UBE2V1: variants seen among roughly 807,000 people sequenced by gnomAD.
UBE2V1 encodes the protein ubiquitin conjugating enzyme E2 V1, also known as ubiquitin-conjugating enzyme E2 variant 1.
In UBE2V1, 15 loss-of-function variants were observed where a neutral mutation model predicts 19.6. That is an observed-to-expected ratio of 0.77 (90% CI 0.51 to 1.18). UBE2V1 has a LOEUF of 1.18. Among genes scored for constraint, UBE2V1 ranks in the 50% most tolerant of loss-of-function variants. The probability of loss-of-function intolerance (pLI) is 0.00; values close to 1 mark genes in which losing one functional copy is unlikely to be tolerated. For synonymous variants in UBE2V1, 60 were observed against 60.7 expected, an observed-to-expected ratio of 0.99 and a Z score of 0.05; for missense variants, 125 against 184.8, an observed-to-expected ratio of 0.68 and a Z score of 1.88.
chr20:50,102,387 A>C (rs1453348219), intron 1 of UBE2V1, among the ~76,000 whole-genome samples: 2 of 152,210 alleles, frequency 1.3e-5, no homozygotes, highest in Non-Finnish European at 1.5e-5. Context: ...AAACAAACAC[A>C]AAAGCAACCT....
Position 50,107,850 on chromosome 20 carries a change from G to A in UBE2V1, c.22+5257C>T, listed in dbSNP as rs77280740. On this transcript the variant is annotated intron_variant, in intron 1 of 3. Transcript: ENST00000371674. The stretch of plus-strand genomic sequence containing the variant: ...AATATGCAACGAAACAACACTTCAG[G>A]TAAGGTTAAGTGCTTTAGAGAAACA... 1.9e-4 allele frequency among the ~76,000 whole-genome samples: 29 copies of A among 152,298 alleles called. No individual in the cohort carries two copies. The East Asian group carries it at 5.6e-3, about 29-fold the overall frequency.
At chr20:50,083,995 C>T (rs1277940955) in intron 3 of UBE2V1, 134 bp downstream of exon 3, 7 of 1,390,720 alleles carry the variant, frequency 5.0e-6, no homozygotes, top group Admixed American at 2.5e-5. Flanking sequence ...ATCTGTGCTC[C>T]TATGCACAGT....
At chr20:50,101,765 A>G (rs1386944380) in intron 1 of UBE2V1, among the ~76,000 whole-genome samples, 3 of 152,146 alleles carry the variant, frequency 2.0e-5, no homozygotes, top group Non-Finnish European at 4.4e-5. Context: ...TCTAGGGGCT[A>G]TGAACAAAAT....
chr20:50,106,868 CAACAACAAA>C (rs1308391314), intron 1 of UBE2V1, among the ~76,000 whole-genome samples: 2 of 84,806 alleles, frequency 2.4e-5, no homozygotes. Context: ...ACAACAACAA[CAACAACAAA>C]AAAAAAAAAA....
intron 2 of UBE2V1, chr20:50,095,204 G>A (rs977326829): frequency 6.6e-6 from 1 of 152,162 alleles, no homozygotes; most frequent in Non-Finnish European, 1.5e-5. Context: ...TGGGAAGTAA[G>A]GAGGGAAGCA....
At position 50,094,221 on chromosome 20, in the gene UBE2V1, T is replaced by C. The variant is rs1225004127; in HGVS notation, c.171+2451A>G. Among the ~76,000 whole-genome samples, 8 of 139,644 alleles carry C rather than the reference T, an allele frequency of 5.7e-5. 1 individual carries two copies. The Admixed American group carries it at 6.0e-4, about 10-fold the overall frequency. 91.6% of individuals were successfully genotyped at this position (139,644 alleles called of 152,430 possible). The stretch of plus-strand genomic sequence containing the variant: ...TACAGTATATATAATATATAACATA[T>C]GCATTATATAATATATAATGCATTA... On this transcript the variant is annotated intron_variant, in intron 2 of 3. Coordinates refer to ENST00000371674, the MANE Select transcript of UBE2V1 (RefSeq NM_001032288.3).
intron 2 of UBE2V1, among the ~76,000 whole-genome samples, chr20:50,086,411 T>C (rs1018414607): frequency 1.2e-4 from 18 of 152,206 alleles, no homozygotes; most frequent in Admixed American, 6.5e-4. Flanking sequence ...CTTCACACTT[T>C]TATATTATAA....
At chr20:50,091,853 T>G (rs2079251446) in intron 2 of UBE2V1, among the ~76,000 whole-genome samples, 1 of 152,188 alleles carries the variant, frequency 6.6e-6, no homozygotes. Context: ...ACAGCAAAAG[T>G]GGGTAGAACC....
chr20:50,104,274 C>G (rs1409781905), intron 1 of UBE2V1: 3 of 949,724 alleles, frequency 3.2e-6, no homozygotes, highest in Non-Finnish European at 3.7e-6. Flanking sequence ...GGGCCAGACT[C>G]CGTCTCAAAA....
upstream of UBE2V1, chr20:50,115,180 G>A: frequency 3.6e-6 from 1 of 276,446 alleles, no homozygotes; most frequent in Non-Finnish European, 6.6e-6. Flanking sequence ...CCCTTTGCAA[G>A]CCCCCTGGAA....
chr20:50,099,635 A>G, intron 1 of UBE2V1, among the ~76,000 whole-genome samples: 1 of 152,202 alleles, frequency 6.6e-6, no homozygotes, highest in African/African-American at 2.4e-5. Flanking sequence ...CCTGCTGTCC[A>G]GAAGGCTCCT....
chr20:50,094,459 C>A (rs1366491874), intron 2 of UBE2V1, among the ~76,000 whole-genome samples: 2 of 150,856 alleles, frequency 1.3e-5, no homozygotes, highest in African/African-American at 4.9e-5. Flanking sequence ...TTATAATAGC[C>A]AAAAGGTAGA....
At chr20:50,098,493 A>G (rs1025511859) in intron 1 of UBE2V1, among the ~76,000 whole-genome samples, 1 of 152,220 alleles carries the variant, frequency 6.6e-6, no homozygotes, top group Admixed American at 6.5e-5. Flanking sequence ...CCAGGGTGAT[A>G]GCAGGAAAGT....
chr20:50,091,112 T>C (rs1426935168), intron 2 of UBE2V1, among the ~76,000 whole-genome samples: 1 of 152,144 alleles, frequency 6.6e-6, no homozygotes, highest in Non-Finnish European at 1.5e-5. Context: ...AGTGGTATGA[T>C]CTTGGCCCAC....
At chr20:50,108,261 C>T (rs2080521396) in intron 1 of UBE2V1, among the ~76,000 whole-genome samples, 1 of 152,124 alleles carries the variant, frequency 6.6e-6, no homozygotes, top group Admixed American at 6.5e-5. Context: ...AGAGTGGAGA[C>T]AGAAAGGAGG....
rs1361996536 is a variant in UBE2V1, at chr20:50,113,115, G to A, written c.14C>T (p.Thr5Met). 6 of 1,349,492 alleles carry A rather than the reference G, an allele frequency of 4.4e-6. No individual in the cohort carries two copies. The highest frequency in any genetic ancestry group is 1.9e-5 in the South Asian group (1 of 53,648). The allele number at this position is 1,349,492 out of a possible 1,614,324, so 83.6% of individuals were successfully genotyped here. ...CCGGCGCCCCCGCTCACCCGAGCCC[G>A]TGGTGGCTGCCATCTTGCGTCGCTC... MAAT[T>M]GSGVKVPRNF... The change falls in exon 1 of 4, where the codon ACG becomes ATG. Residue 5 changes from threonine (T) to methionine (M), a missense_variant. Around this residue, in one of 3 missense-constraint regions of UBE2V1, gnomAD observed 28 missense variants for 22.5 expected, o/e 1.25. Transcript: ENST00000371674.
chr20:50,113,157 C>G (rs370801471), upstream of UBE2V1: 44 of 1,317,228 alleles, frequency 3.3e-5, no homozygotes, highest in African/African-American at 4.9e-4. Flanking sequence ...GAAGGCCGGC[C>G]CCTTCTTCAC....
rs370960128 is a variant in UBE2V1 at position 50,110,154 on chromosome 20, G to A, written c.22+2953C>T. Among the ~76,000 whole-genome samples the A allele has an allele frequency of 2.6e-5, 4 of 152,246 alleles. No homozygotes were observed. The East Asian group carries it at 7.7e-4, about 29-fold the overall frequency. ...CATTTTCTGATTAAATGTCAGGGAA[G>A]CTCGTGGGCTGCTGAGTGAGAGGAA... On this transcript the variant is annotated intron_variant, in intron 1 of 3. Transcript: ENST00000371674.
chr20:50,098,792 G>T, intron 1 of UBE2V1: 1 of 414,558 alleles, frequency 2.4e-6, no homozygotes, highest in Non-Finnish European at 3.2e-6. Flanking sequence ...TAAAATAAAT[G>T]TAAGCAAAAG....
Sources: allele counts gnomAD v4.1 joint callset (sites outside exome capture counted in the v4.1 genomes callset), GRCh38; gene constraint gnomAD v4.1.1; regional missense constraint gnomAD v4.1.1; transcripts MANE v1.5; gene names NCBI Gene and HGNC (gene_info 2026-07-23, HGNC 2026-07-21).